Variants in CRHR2 observed in about 807,000 individuals in gnomAD.
CRHR2 encodes corticotropin releasing hormone receptor 2.
A neutral mutation model predicts 57.9 loss-of-function variants in CRHR2; 53 were observed. The observed-to-expected ratio is 0.92, with a 90% CI of 0.73 to 1.15. CRHR2 has a LOEUF of 1.15. Ranked by LOEUF, CRHR2 falls within the 50% of genes most tolerant of loss-of-function variation. The pLI is 0.00. For missense variants in CRHR2, 532 were observed against 542.6 expected, an observed-to-expected ratio of 0.98 and a Z score of 0.19; for synonymous variants, 213 against 220.9, an observed-to-expected ratio of 0.96 and a Z score of 0.32.
At chr7:30,667,026 G>A (rs1010691593) in intron 3 of CRHR2, among the ~76,000 whole-genome samples, 13 of 152,208 alleles carry the variant, frequency 8.5e-5, no homozygotes, top group Admixed American at 2.6e-4. Flanking sequence ...TCTCTTGAAG[G>A]TAGGACTCCA....
intron 8 of CRHR2, among the ~76,000 whole-genome samples, chr7:30,659,329 T>TC (rs1783907083): frequency 6.6e-6 from 1 of 152,188 alleles, no homozygotes; most frequent in African/African-American, 2.4e-5. Flanking sequence ...TCACCACCCT[T>TC]CCAACATCTT....
chr7:30,688,014 G>C (rs1784887900), intron 2 of CRHR2, among the ~76,000 whole-genome samples: 1 of 152,316 alleles, frequency 6.6e-6, no homozygotes, highest in South Asian at 2.1e-4. Flanking sequence ...GAACTGTGTT[G>C]CTCCAAAATT....
At chr7:30,659,908 C>T (rs940899864) in intron 8 of CRHR2, among the ~76,000 whole-genome samples, 5 of 152,116 alleles carry the variant, frequency 3.3e-5, no homozygotes, top group South Asian at 2.1e-4. Context: ...CAATTTCTTA[C>T]GGGGCTTTTT....
intron 8 of CRHR2, among the ~76,000 whole-genome samples, chr7:30,658,159 T>A (rs1339959870): frequency 2.0e-5 from 3 of 152,160 alleles, no homozygotes; most frequent in Non-Finnish European, 4.4e-5. Flanking sequence ...CCTTCCTCTC[T>A]CTCCAGGGAG....
chr7:30,661,435 T>C (rs573196182), intron 7 of CRHR2, among the ~76,000 whole-genome samples: 1 of 152,288 alleles, frequency 6.6e-6, no homozygotes, highest in South Asian at 2.1e-4. Flanking sequence ...AGCCCTCTTC[T>C]TGGGCAGCTT....
At chr7:30,690,932 T>C (rs2128150981) in intron 1 of CRHR2, among the ~76,000 whole-genome samples, 1 of 152,304 alleles carries the variant, frequency 6.6e-6, no homozygotes, top group East Asian at 1.9e-4. Context: ...TCCTGAGCTG[T>C]CAGCCAGGAG....
intron 1 of CRHR2, among the ~76,000 whole-genome samples, chr7:30,693,946 G>T (rs552389447): frequency 6.6e-6 from 1 of 152,296 alleles, no homozygotes; most frequent in African/African-American, 2.4e-5. Flanking sequence ...GGACACCTGT[G>T]CTGATTAGCT....
rs1784057938 is a variant in CRHR2 at position 30,662,753 on chromosome 7, A to G, written c.638T>C (p.Ile213Thr). The stretch of plus-strand genomic sequence containing the variant: ...GCGCTCAGTGGAGTAGGTCATGACA[A>G]TGGCCGTGTGCAGGTAGCAGCCTTC... ...FVEGCYLHTA[I>T]VMTYSTERLR... The change falls in exon 6 of 12, where the codon ATT becomes ACT. Residue 213 changes from isoleucine (I) to threonine (T), a missense_variant. Ile to Thr is a moderately conservative substitution (Grantham distance 89). Transcript: ENST00000471646. 4 of 1,614,202 alleles carry G rather than the reference A, an allele frequency of 2.5e-6. No individual in the cohort carries two copies. In the African/African-American group the frequency reaches 4.0e-5, roughly 16 times the overall value.
chr7:30,688,458 A>G (rs1784896585), intron 2 of CRHR2, among the ~76,000 whole-genome samples: 1 of 152,212 alleles, frequency 6.6e-6, no homozygotes, highest in Admixed American at 6.5e-5. Context: ...TGATCCCAAC[A>G]CCGGAGCTAT....
intron 2 of CRHR2, among the ~76,000 whole-genome samples, chr7:30,678,955 G>C (rs1283523317): frequency 5.3e-5 from 8 of 152,066 alleles, no homozygotes; most frequent in Admixed American, 5.2e-4. Context: ...GCTCACCCAG[G>C]CTCCCTCTCC....
intron 2 of CRHR2, among the ~76,000 whole-genome samples, chr7:30,678,276 C>A (rs757441900): frequency 6.6e-6 from 1 of 152,250 alleles, no homozygotes; most frequent in African/African-American, 2.4e-5. Context: ...CAAGTGACTT[C>A]ATTGCTCCAC....
intron 2 of CRHR2, among the ~76,000 whole-genome samples, chr7:30,678,889 TCTC>T (rs1313252310): frequency 1.3e-5 from 2 of 151,998 alleles, no homozygotes; most frequent in African/African-American, 4.8e-5. Context: ...TCCCCTTACT[TCTC>T]CTTTCCCTCC....
chr7:30,682,516 C>T (rs990738964), upstream of CRHR2: 1 of 1,261,096 alleles, frequency 7.9e-7, no homozygotes, highest in Non-Finnish European at 1.0e-6. Context: ...GCCGCTCCGC[C>T]GCGGCCAATG....
intron 11 of CRHR2, 198 bp downstream of exon 11, chr7:30,654,841 T>C: frequency 6.5e-7 from 1 of 1,544,238 alleles, no homozygotes; most frequent in South Asian, 1.2e-5. Flanking sequence ...GGCATGTTAT[T>C]TCGGGGCTGC....
At chr7:30,685,585 C>G (rs1784840152), upstream of CRHR2, among the ~76,000 whole-genome samples, 6 of 152,210 alleles carry the variant, frequency 3.9e-5, no homozygotes, top group South Asian at 1.2e-3. Context: ...CCAGGCACCC[C>G]CTCCTCACCC....
intron 1 of CRHR2, among the ~76,000 whole-genome samples, chr7:30,697,155 A>T (rs1785075002): frequency 6.6e-6 from 1 of 152,192 alleles, no homozygotes; most frequent in Non-Finnish European, 1.5e-5. Context: ...TGTGAGCCGG[A>T]CAGGTCAGGG....
intron 2 of CRHR2, 126 bp downstream of exon 2, chr7:30,681,789 C>CCCGCGGT (rs1487258892): frequency 1.5e-6 from 2 of 1,377,138 alleles, no homozygotes; most frequent in Non-Finnish European, 9.5e-7. Context: ...GTCCTTAACG[C>CCCGCGGT]CCGCGGTCCG....
In CRHR2 at chr7:30,682,344, T is replaced by A. The variant is rs778565946; in HGVS notation, c.-64A>T. ...CGCGCCCGGCGTGACTGCGAGGGAG[T>A]GGACGCGAGAGTGAGCGGCCGAGAG... On this transcript the variant is annotated 5_prime_UTR_variant, in exon 1 of 12. Coordinates refer to ENST00000471646, the MANE Select transcript of CRHR2 (RefSeq NM_001883.5). The A allele has an allele frequency of 1.4e-6, 2 of 1,457,204 alleles. No homozygotes were observed. The highest frequency in any genetic ancestry group is 2.9e-5 in the East Asian group (1 of 34,990). 90.3% of individuals were successfully genotyped at this position (1,457,204 alleles called of 1,614,324 possible). A position where few individuals can be genotyped will look rare whatever the true frequency, so the allele number is the denominator to read the frequency against.
intron 1 of CRHR2, among the ~76,000 whole-genome samples, chr7:30,694,142 G>T (rs1435428903): frequency 3.3e-5 from 5 of 152,200 alleles, no homozygotes; most frequent in Non-Finnish European, 2.9e-5. Flanking sequence ...ATGAAACCAT[G>T]GCCCCCTCAG....
Sources: allele counts gnomAD v4.1 joint callset (sites outside exome capture counted in the v4.1 genomes callset), GRCh38; gene constraint gnomAD v4.1.1; transcripts MANE v1.5; gene names NCBI Gene and HGNC (gene_info 2026-07-23, HGNC 2026-07-21).